Variants in AGBL4 observed in about 807,000 individuals in gnomAD.
The protein encoded by AGBL4 is AGBL carboxypeptidase 4, also known as cytosolic carboxypeptidase 6.
AGBL4 carries 58 observed loss-of-function variants against 66.4 expected under a neutral mutation model. The observed-to-expected ratio is 0.87, with a 90% CI of 0.71 to 1.09. AGBL4 has a LOEUF of 1.09. AGBL4 is among the 50% of genes least tolerant of loss of function. The probability of loss-of-function intolerance (pLI) is 0.00; values close to 1 mark genes in which losing one functional copy is unlikely to be tolerated. For missense variants in AGBL4, 579 were observed against 631.0 expected, an observed-to-expected ratio of 0.92 and a Z score of 0.88; for synonymous variants, 234 against 222.9, an observed-to-expected ratio of 1.05 and a Z score of -0.44.
chr1:48,861,658 G>T (rs753988636), intron 6 of AGBL4, among the ~76,000 whole-genome samples: 6 of 152,176 alleles, frequency 3.9e-5, no homozygotes, highest in Non-Finnish European at 7.3e-5. Flanking sequence ...TGCAAGACAG[G>T]CTTTCCCAGT....
chr1:48,861,773 T>C, intron 6 of AGBL4, among the ~76,000 whole-genome samples: 1 of 152,206 alleles, frequency 6.6e-6, no homozygotes, highest in East Asian at 1.9e-4. Context: ...TGACACCCAA[T>C]GACTATGCCT....
chr1:48,980,718 AATAT>A (rs544711494), intron 5 of AGBL4, among the ~76,000 whole-genome samples: 21 of 92,320 alleles, frequency 2.3e-4, no homozygotes, highest in African/African-American at 6.2e-4. Flanking sequence ...GTAAAGAAGA[AATAT>A]ATATATATAT....
chr1:49,786,442 T>C (rs886569906), intron 2 of AGBL4, among the ~76,000 whole-genome samples: 103 of 152,318 alleles, frequency 6.8e-4, no homozygotes, highest in African/African-American at 2.5e-3. Flanking sequence ...ATCTCTGAGC[T>C]TCTTAACAAG....
intron 3 of AGBL4, among the ~76,000 whole-genome samples, chr1:49,582,334 G>A (rs1458471631): frequency 6.6e-6 from 1 of 152,192 alleles, no homozygotes; most frequent in African/African-American, 2.4e-5. Flanking sequence ...CAAGGTAGGA[G>A]TGGGATCCTG....
intron 5 of AGBL4, among the ~76,000 whole-genome samples, chr1:48,934,323 G>A (rs1443233996): frequency 1.3e-5 from 2 of 152,106 alleles, no homozygotes; most frequent in Non-Finnish European, 2.9e-5. Flanking sequence ...ACTAGAGCAT[G>A]TGGTGATCAG....
intron 2 of AGBL4, among the ~76,000 whole-genome samples, chr1:49,748,988 C>T (rs758457706): frequency 3.3e-5 from 5 of 152,200 alleles, no homozygotes; most frequent in African/African-American, 4.8e-5. Context: ...GTTTCTTTTG[C>T]TGTGCAGAAG....
At chr1:49,024,983 A>G (rs894308189) in intron 5 of AGBL4, among the ~76,000 whole-genome samples, 1 of 152,130 alleles carries the variant, frequency 6.6e-6, no homozygotes, top group Non-Finnish European at 1.5e-5. Context: ...CTGGATATCT[A>G]TCGGGGTAGA....
intron 6 of AGBL4, among the ~76,000 whole-genome samples, chr1:48,840,930 T>A (rs1400632885): frequency 6.8e-6 from 1 of 146,266 alleles, no homozygotes; most frequent in African/African-American, 2.4e-5. Context: ...TCTAAGGAAT[T>A]GTAAGCAATG....
intron 5 of AGBL4, among the ~76,000 whole-genome samples, chr1:48,905,602 T>C (rs1194028375): frequency 6.6e-6 from 1 of 152,216 alleles, no homozygotes. Context: ...CAATAACCCT[T>C]TGAAGTAAGT....
At chr1:49,294,990 T>G (rs764180819) in intron 3 of AGBL4, among the ~76,000 whole-genome samples, 1 of 152,242 alleles carries the variant, frequency 6.6e-6, no homozygotes, top group Admixed American at 6.5e-5. Flanking sequence ...TAGGCTCCAG[T>G]TGTAATGATT....
At chr1:49,996,394 A>T (rs1453435652) in intron 1 of AGBL4, among the ~76,000 whole-genome samples, 1 of 152,294 alleles carries the variant, frequency 6.6e-6, no homozygotes, top group East Asian at 1.9e-4. Flanking sequence ...TGGAAATGAA[A>T]AACACACTTA....
At chr1:49,520,457 G>A (rs1420561029) in intron 3 of AGBL4, among the ~76,000 whole-genome samples, 1 of 151,964 alleles carries the variant, frequency 6.6e-6, no homozygotes, top group Non-Finnish European at 1.5e-5. Flanking sequence ...TTTAATGTTT[G>A]ATATGATGAG....
intron 6 of AGBL4, among the ~76,000 whole-genome samples, chr1:48,678,176 T>C (rs1646397860): frequency 6.6e-6 from 1 of 152,086 alleles, no homozygotes; most frequent in African/African-American, 2.4e-5. Flanking sequence ...AGCACCACGG[T>C]GGGGTAACTG....
At chr1:49,348,056 A>T (rs1232479514) in intron 3 of AGBL4, among the ~76,000 whole-genome samples, 1 of 152,030 alleles carries the variant, frequency 6.6e-6, no homozygotes, top group Non-Finnish European at 1.5e-5. Context: ...TTAGTTAGAG[A>T]TCTTGAGGTT....
chr1:49,690,647 A>G (rs1476345392), intron 3 of AGBL4, among the ~76,000 whole-genome samples: 1 of 152,240 alleles, frequency 6.6e-6, no homozygotes, highest in Non-Finnish European at 1.5e-5. Context: ...AAGGGCTTAG[A>G]ACACTACTTA....
intron 5 of AGBL4, among the ~76,000 whole-genome samples, chr1:48,925,204 G>A (rs971024232): frequency 6.6e-6 from 1 of 151,316 alleles, no homozygotes; most frequent in Non-Finnish European, 1.5e-5. Context: ...TCATCCCTCA[G>A]TATCCATGGG....
intron 1 of AGBL4, among the ~76,000 whole-genome samples, chr1:49,930,336 T>C (rs907887966): frequency 1.3e-5 from 2 of 151,972 alleles, no homozygotes; most frequent in South Asian, 2.1e-4. Flanking sequence ...CCTACCCACA[T>C]AGAAAATTCC....
intron 2 of AGBL4, among the ~76,000 whole-genome samples, chr1:49,717,642 A>C (rs1021050895): frequency 1.5e-4 from 23 of 152,012 alleles, no homozygotes; most frequent in Non-Finnish European, 2.9e-4. Context: ...AAAATTACTT[A>C]TTTACTATGA....
At chr1:48,913,937 G>A (rs1653365877) in intron 5 of AGBL4, among the ~76,000 whole-genome samples, 1 of 152,132 alleles carries the variant, frequency 6.6e-6, no homozygotes, top group African/African-American at 2.4e-5. Context: ...CGAATCTGGG[G>A]AAAGATAATG....
Sources: gnomAD v4.1 joint callset for allele counts (sites outside exome capture counted in the v4.1 genomes callset) on GRCh38, gnomAD v4.1.1 for gene constraint, MANE v1.5 for transcripts, NCBI Gene and HGNC (gene_info 2026-07-23, HGNC 2026-07-21) for gene names.